Variants in KLK7 observed in about 807,000 individuals in gnomAD.
KLK7 encodes the protein kallikrein-7.
In KLK7, 17 loss-of-function variants were observed where a neutral mutation model predicts 21.0. That is an observed-to-expected ratio of 0.81 (90% CI 0.55 to 1.21). The LOEUF (loss-of-function observed/expected upper bound fraction) is 1.21, where lower values mean the gene tolerates loss of function less well. KLK7 is among the 50% of genes most tolerant of loss of function. The pLI, the probability that KLK7 is intolerant of heterozygous loss-of-function variation, is 0.00. For synonymous variants in KLK7, 151 were observed against 134.6 expected (o/e 1.12, Z -0.85); for missense variants, 330 against 322.8 (o/e 1.02, Z -0.17).
rs749504468 is a variant in KLK7, at chr19:50,980,288, CA to C, written c.420del (p.Gly141GlufsTer17). ...CAGCCGGAGACAGTACAGGTGGTTC[CA>C]GGGGGTTCGCAGCGGGAGGGCAGCC... ...KVRLPSRCEP[P>X]GTTCTVSGWG... is the part of the protein sequence containing the mutation. On this transcript the variant is annotated frameshift_variant, in exon 4 of 6. Transcript: ENST00000595820. LOFTEE classifies it high-confidence loss of function. The C allele has an allele frequency of 6.2e-7, 1 of 1,613,970 alleles. No individual in the cohort carries two copies. Among genetic ancestry groups the C allele is most frequent in the Admixed American group, 1.7e-5 (1 of 60,002 alleles).
At chr19:50,983,089 C>T (rs1316810630) in intron 1 of KLK7, among the ~76,000 whole-genome samples, 45 of 99,600 alleles carry the variant, frequency 4.5e-4, no homozygotes, top group Non-Finnish European at 4.5e-4. Context: ...CCCTCAGACC[C>T]AGGAGTCCAG....
In KLK7 at chr19:50,983,841, C is replaced by G. The variant is rs774358622; in HGVS notation, c.-59+10G>C. The G allele has an allele frequency of 7.8e-7, 1 of 1,289,278 alleles. No homozygotes were observed. Among genetic ancestry groups the G allele is most frequent in the Non-Finnish European group, 1.0e-6 (1 of 988,804 alleles). The allele number at this position is 1,289,278 out of a possible 1,614,324, so 79.9% of individuals were successfully genotyped here. The stretch of plus-strand genomic sequence containing the variant: ...CCTACAGGTGCACCCTTGATGAAGC[C>G]TCTTCTCACCTCGAGAGGATCTGAT... On this transcript the variant is annotated intron_variant, in intron 1 of 5. Coordinates refer to ENST00000595820, the MANE Select transcript of KLK7 (RefSeq NM_005046.4).
At position 50,977,321 on chromosome 19, in the gene KLK7, C is replaced by T; in HGVS notation, c.*215G>A. On this transcript the variant is annotated 3_prime_UTR_variant, in exon 6 of 6. Transcript: ENST00000595820. ...TTCCAGTGTTTGAGAGTGCTGGTCT[C>T]ACTGACTCTTCTCCAGCACTGAGGG... is the stretch of plus-strand genomic sequence containing the variant. 2 of 560,960 alleles carry T rather than the reference C, an allele frequency of 3.6e-6. No homozygotes were observed. The highest frequency in any genetic ancestry group is 2.2e-5 in the South Asian group (1 of 45,220). The allele number at this position is 560,960 out of a possible 1,614,324, so 34.7% of individuals were successfully genotyped here.
intron 4 of KLK7, 22 bp downstream of exon 4, chr19:50,980,218 C>T (rs1204300048): frequency 6.2e-7 from 1 of 1,612,036 alleles, no homozygotes. Flanking sequence ...GCCTGCACTC[C>T]TGGGTCACTG....
upstream of KLK7, chr19:50,983,919 T>G (rs1624358): frequency 0.92 from 1,181,359 of 1,288,734 alleles, 541,989 homozygotes; most frequent in East Asian, 1. Flanking sequence ...AAAATCTTCA[T>G]CCCTCTGCTG....
intron 2 of KLK7, 90 bp downstream of exon 2, chr19:50,982,237 T>C: frequency 6.7e-7 from 1 of 1,501,300 alleles, no homozygotes; most frequent in Non-Finnish European, 9.1e-7. Context: ...GGAAGCTGTT[T>C]GAGGAGGGAA....
At chr19:50,980,845 CAGAG>C (rs1210449224) in intron 3 of KLK7, among the ~76,000 whole-genome samples, 1 of 129,184 alleles carries the variant, frequency 7.7e-6, no homozygotes, top group Non-Finnish European at 1.6e-5. Context: ...AACAGAGACC[CAGAG>C]AGAGAGGGGG....
Position 50,977,247 on chromosome 19 carries a change from CG to C in KLK7, c.*288del. The C allele has an allele frequency of 3.1e-6, 1 of 319,248 alleles. No homozygotes were observed. The allele number at this position is 319,248 out of a possible 1,614,324, so 19.8% of individuals were successfully genotyped here. A position where few individuals can be genotyped will look rare whatever the true frequency, so the allele number is the denominator to read the frequency against. ...GGTCAAAGGTGGTGAATAAGGGTCT[CG>C]GTGTACGTTGACCAAGTGTCTTCCG... On this transcript the variant is annotated 3_prime_UTR_variant, in exon 6 of 6. Coordinates refer to ENST00000595820, the MANE Select transcript of KLK7 (RefSeq NM_005046.4).
At chr19:50,980,092 G>A (rs1258757247) in intron 4 of KLK7, 148 bp downstream of exon 4, 3 of 1,192,544 alleles carry the variant, frequency 2.5e-6, no homozygotes, top group Non-Finnish European at 3.5e-6. Flanking sequence ...AGGGAGGAGG[G>A]GCTGGGGGCC....
chr19:50,977,894 C>T (rs1371414679), intron 5 of KLK7, among the ~76,000 whole-genome samples: 1 of 152,170 alleles, frequency 6.6e-6, no homozygotes, highest in Admixed American at 6.5e-5. Context: ...TGGTTTGACC[C>T]TTGGCCAATG....
rs780230799 is a variant in KLK7 at position 50,980,450 on chromosome 19, C to T, written c.259G>A (p.Asp87Asn). Residue 87 changes from aspartate (D) to asparagine (N), a missense_variant, in exon 4 of 6, where the codon GAC becomes AAC. Transcript: ENST00000595820. ...GCCTTGATCCTCTGAGCTCTCCTGT[C>T]GCCCAGCGTATCACTGCCCAGGTGC... is the stretch of plus-strand genomic sequence containing the variant. ...TVHLGSDTLGDRRAQRIKASK... is the reference protein window; with the variant it reads ...TVHLGSDTLGNRRAQRIKASK... 2.2e-5 allele frequency: 35 copies of T among 1,613,802 alleles called. No individual in the cohort carries two copies. Among genetic ancestry groups the T allele is most frequent in the South Asian group, 1.2e-4 (11 of 91,064 alleles).
At chr19:50,978,409 A>C (rs1015875533) in intron 5 of KLK7, among the ~76,000 whole-genome samples, 1 of 151,848 alleles carries the variant, frequency 6.6e-6, no homozygotes, top group South Asian at 2.1e-4. Context: ...GGAGGTGGAG[A>C]AGAAAGAGGG....
Position 50,980,581 on chromosome 19 carries a change from G to A in KLK7, c.222-94C>T, listed in dbSNP as rs752801924. ...GACGGGGTGGGGACAGAGACCCAGA[G>A]AGAGGAGGGGGGACAGAGACACAGA... On this transcript the variant is annotated intron_variant, in intron 3 of 5. Transcript: ENST00000595820. The A allele has an allele frequency of 4.1e-6, 6 of 1,474,516 alleles. No homozygotes were observed. The African/African-American group carries it at 8.3e-5, about 20-fold the overall frequency. The allele number at this position is 1,474,516 out of a possible 1,614,324, so 91.3% of individuals were successfully genotyped here. A position where few individuals can be genotyped will look rare whatever the true frequency, so the allele number is the denominator to read the frequency against.
chr19:50,981,437 GA>G (rs2091086832), intron 3 of KLK7, among the ~76,000 whole-genome samples: 1 of 115,850 alleles, frequency 8.6e-6, no homozygotes. Flanking sequence ...TCCAGAGAGA[GA>G]GGGGGACAGA....
chr19:50,981,915 C>T lies in KLK7; in HGVS notation c.74-1G>A. On this transcript the variant is annotated splice_acceptor_variant, in intron 2 of 5. Coordinates refer to ENST00000595820, the MANE Select transcript of KLK7 (RefSeq NM_005046.4). LOFTEE classifies it high-confidence loss of function. ...CCATCAATAATCTTGTCACCCTGGG[C>T]TGGATGGAGACATGGAGGAGCACGT... 1 of 1,612,528 alleles carries T rather than the reference C, an allele frequency of 6.2e-7. No homozygotes were observed. The highest frequency in any genetic ancestry group is 8.5e-7 in the Non-Finnish European group (1 of 1,179,494).
At chr19:50,979,181 GGTGA>G (rs2091058002) in intron 5 of KLK7, among the ~76,000 whole-genome samples, 1 of 152,142 alleles carries the variant, frequency 6.6e-6, no homozygotes, top group African/African-American at 2.4e-5. Context: ...GCCAGGGTCA[GGTGA>G]GTGAGTCATC....
chr19:50,982,323 T>A lies in KLK7; in HGVS notation c.73+4A>T. 1 of 1,609,248 alleles carries A rather than the reference T, an allele frequency of 6.2e-7. No individual in the cohort carries two copies. The highest frequency in any genetic ancestry group is 8.5e-7 in the Non-Finnish European group (1 of 1,177,960). ...GAGGTCAGACTTCCCAGTCCAGCTT[T>A]CACCTTCTTCTCCTGCAGTTTCCAA... On this transcript the variant is annotated splice_donor_region_variant and intron_variant, in intron 2 of 5. Coordinates refer to ENST00000595820, the MANE Select transcript of KLK7 (RefSeq NM_005046.4).
At chr19:50,981,163 TGACAGAGACCCAGAGAGAGAGG>T (rs2091080536) in intron 3 of KLK7, among the ~76,000 whole-genome samples, 1 of 50,488 alleles carries the variant, frequency 2.0e-5, no homozygotes, top group Admixed American at 2.7e-4. Flanking sequence ...AGAGAGAGGG[TGACAGAGACCCAGAGAGAGAGG>T]GACAGAGACC....
At position 50,979,867 on chromosome 19, in the gene KLK7, C is replaced by T. The variant is rs916567941; in HGVS notation, c.527G>A (p.Cys176Tyr). 6.3e-7 allele frequency: 1 copy of T among 1,589,238 alleles called. No individual in the cohort carries two copies. Among genetic ancestry groups the T allele is most frequent in the South Asian group, 1.2e-5 (1 of 86,936 alleles). The change falls in exon 5 of 6, where the codon TGC becomes TAC. Residue 176 changes from cysteine to tyrosine, a missense_variant. Coordinates refer to ENST00000595820, the MANE Select transcript of KLK7 (RefSeq NM_005046.4). ...CAGTAAGTCCTTGTAAACCTTCGTG[C>T]AGTCCTGGGGGGAGATGAGCTTGAC... is the stretch of plus-strand genomic sequence containing the variant. ...VDVKLISPQD[C>Y]TKVYKDLLEN... is the part of the protein sequence containing the mutation.
Sources: allele counts gnomAD v4.1 joint callset (sites outside exome capture counted in the v4.1 genomes callset), GRCh38; gene constraint gnomAD v4.1.1; transcripts MANE v1.5; gene names NCBI Gene and HGNC (gene_info 2026-07-23, HGNC 2026-07-21).